Variants in RYR2 observed in about 807,000 individuals in gnomAD.
RYR2 encodes the protein ryanodine receptor 2.
A neutral mutation model predicts 601.1 loss-of-function variants in RYR2; 227 were observed. The observed-to-expected ratio is 0.38, with a 90% CI of 0.34 to 0.42. The LOEUF is 0.42. Ranked by LOEUF, RYR2 falls within the 10% of genes least tolerant of loss-of-function variation. The pLI is 1.00. For missense variants in RYR2, 4,646 were observed against 6,156.5 expected, an observed-to-expected ratio of 0.75 and a Z score of 8.21; for synonymous variants, 2,223 against 2,175.1, an observed-to-expected ratio of 1.02 and a Z score of -0.61.
chr1:237,566,218 A>T (rs2618720), intron 27 of RYR2, among the ~76,000 whole-genome samples: 142,154 of 152,150 alleles, frequency 0.93, 67,131 homozygotes, highest in East Asian at 1. Context: ...TTTCTTATTG[A>T]CTTCTTTCCA....
chr1:237,752,349 C>T (rs557139253), intron 80 of RYR2, among the ~76,000 whole-genome samples: 1 of 152,150 alleles, frequency 6.6e-6, no homozygotes, highest in South Asian at 2.1e-4. Context: ...CAGGGTCTTG[C>T]TATTTGCCCA....
intron 101 of RYR2, among the ~76,000 whole-genome samples, chr1:237,827,816 A>G (rs1297581893): frequency 6.6e-6 from 1 of 151,590 alleles, no homozygotes; most frequent in East Asian, 2.0e-4. Context: ...GTGTGCCTGT[A>G]GTCCCAGCTG....
intron 1 of RYR2, among the ~76,000 whole-genome samples, chr1:237,173,201 T>C (rs1313158607): frequency 6.6e-6 from 1 of 151,940 alleles, no homozygotes; most frequent in Non-Finnish European, 1.5e-5. Context: ...GCTTATTGCA[T>C]CCAGACAGGG....
At chr1:237,530,400 A>T (rs1668027545) in intron 24 of RYR2, 27 bp from the exon 25 acceptor site, 2 of 1,536,874 alleles carry the variant, frequency 1.3e-6, no homozygotes, top group East Asian at 4.5e-5. Flanking sequence ...AGAAATGATC[A>T]CACTTATCTC....
Position 237,803,522 on chromosome 1 carries a change from G to T in RYR2, c.14151+1606G>T, listed in dbSNP as rs373185412. 2.8e-4 allele frequency among the ~76,000 whole-genome samples: 43 copies of T among 152,062 alleles called. 1 individual carries two copies. The South Asian group carries it at 7.1e-3, about 25-fold the overall frequency. On this transcript the variant is annotated intron_variant, in intron 98 of 104. Transcript: ENST00000366574. Reference sequence around the variant, plus strand: ...TCACCATGTTAGCCAGGATGGTCTCGATCTCCTGACCTCGTGAACCGACCG... The same window carrying T: ...TCACCATGTTAGCCAGGATGGTCTCTATCTCCTGACCTCGTGAACCGACCG...
chr1:237,390,806 G>T (rs1022013123), intron 10 of RYR2, among the ~76,000 whole-genome samples: 1 of 152,096 alleles, frequency 6.6e-6, no homozygotes, highest in Non-Finnish European at 1.5e-5. Flanking sequence ...ATTTCATGTT[G>T]ATAATTTCAG....
chr1:237,790,342 C>A (rs928358560), intron 92 of RYR2, among the ~76,000 whole-genome samples: 32 of 152,226 alleles, frequency 2.1e-4, no homozygotes, highest in Admixed American at 1.8e-3. Context: ...CTGCCCAGTT[C>A]TTGCCATCTC....
intron 1 of RYR2, chr1:237,270,200 T>G (rs1689539006): frequency 2.1e-6 from 1 of 483,234 alleles, no homozygotes. Context: ...TCCTGTATTT[T>G]ACTTTTATTT....
chr1:237,248,295 CCCCCA>C (rs1204762751), intron 1 of RYR2, among the ~76,000 whole-genome samples: 2 of 107,900 alleles, frequency 1.9e-5, no homozygotes, highest in African/African-American at 7.4e-5. Flanking sequence ...CCCCCCCCCC[CCCCCA>C]AAAATGATGA....
chr1:237,413,470 A>G (rs988439751), intron 10 of RYR2, among the ~76,000 whole-genome samples: 3 of 152,172 alleles, frequency 2.0e-5, no homozygotes, highest in African/African-American at 7.2e-5. Context: ...ATAATTCTTC[A>G]CTTTATTGTA....
At position 237,516,298 on chromosome 1, in the gene RYR2, T is replaced by C. The variant is rs184398656; in HGVS notation, c.2822+4507T>C. Among the ~76,000 whole-genome samples, 21 of 151,920 alleles carry C rather than the reference T, an allele frequency of 1.4e-4. No individual in the cohort carries two copies. In the East Asian group the frequency reaches 3.1e-3, roughly 23 times the overall value. ...GTTAATTTTTCTTTCGTATTTTTTTTTGTAGAGATGGGGTTTCGCCATCTT... is the reference window on the plus strand; with the variant it reads ...GTTAATTTTTCTTTCGTATTTTTTTCTGTAGAGATGGGGTTTCGCCATCTT... On this transcript the variant is annotated intron_variant, in intron 24 of 104. Transcript: ENST00000366574.
rs188661784 is a variant in RYR2 at position 237,609,030 on chromosome 1, C to G, written c.4684-1732C>G. 4.6e-4 allele frequency among the ~76,000 whole-genome samples: 69 copies of G among 149,702 alleles called. 1 individual carries two copies. Among genetic ancestry groups the G allele is most frequent in the African/African-American group, 1.6e-3 (67 of 40,700 alleles). ...TCTCCCTCTCCCTCCCTCCTTCCCT[C>G]CCTCCCTTCCTTCCTTCCTTGTCCC... On this transcript the variant is annotated intron_variant, in intron 35 of 104. Coordinates refer to ENST00000366574, the MANE Select transcript of RYR2 (RefSeq NM_001035.3).
chr1:237,666,386 A>C (rs1358348210), intron 56 of RYR2, 126 bp from the exon 57 acceptor site: 2 of 752,840 alleles, frequency 2.7e-6, no homozygotes, highest in East Asian at 5.5e-5. Flanking sequence ...TTTTGTATAG[A>C]AACTTGCCAG....
chr1:237,301,604 G>A (rs948436267), intron 2 of RYR2, among the ~76,000 whole-genome samples: 1 of 151,700 alleles, frequency 6.6e-6, no homozygotes, highest in African/African-American at 2.4e-5. Flanking sequence ...GTATTATTAA[G>A]CAGAACCAGT....
At chr1:237,536,984 A>G (rs905846661) in intron 25 of RYR2, among the ~76,000 whole-genome samples, 1 of 152,156 alleles carries the variant, frequency 6.6e-6, no homozygotes, top group Non-Finnish European at 1.5e-5. Context: ...CATAATTCAT[A>G]AAAAACCCCT....
At chr1:237,168,811 G>A (rs943283056) in intron 1 of RYR2, among the ~76,000 whole-genome samples, 12 of 152,190 alleles carry the variant, frequency 7.9e-5, no homozygotes, top group African/African-American at 2.7e-4. Context: ...ATGGTCAAAT[G>A]TAGTTTTGCC....
chr1:237,187,270 A>G (rs949975562), intron 1 of RYR2, among the ~76,000 whole-genome samples: 1 of 150,622 alleles, frequency 6.6e-6, no homozygotes, highest in African/African-American at 2.4e-5. Context: ...TCCTGGGTTC[A>G]AGTGATTCTC....
At chr1:237,457,249 A>C (rs139910411) in intron 16 of RYR2, among the ~76,000 whole-genome samples, 3 of 152,216 alleles carry the variant, frequency 2.0e-5, no homozygotes, top group African/African-American at 7.2e-5. Flanking sequence ...GATCTGCTCC[A>C]GTCTTCTCTC....
chr1:237,775,056 T>G (rs1300632173), intron 87 of RYR2, among the ~76,000 whole-genome samples: 3 of 140,772 alleles, frequency 2.1e-5, no homozygotes, highest in Admixed American at 1.5e-4. Context: ...TGGCTTATTG[T>G]GCTTGGTTCA....
Sources: allele counts gnomAD v4.1 joint callset (sites outside exome capture counted in the v4.1 genomes callset), GRCh38; gene constraint gnomAD v4.1.1; transcripts MANE v1.5; gene names NCBI Gene and HGNC (gene_info 2026-07-23, HGNC 2026-07-21).